The following VAPA variants were observed in gnomAD, a reference collection of about 807,000 sequenced individuals.
VAPA encodes the protein VAMP associated protein A.
Under a neutral mutation model 25.6 loss-of-function variants are expected in VAPA, and 6 were observed. The observed-to-expected ratio is 0.23, with a 90% CI of 0.13 to 0.46. The LOEUF (loss-of-function observed/expected upper bound fraction) is 0.46, where lower values mean the gene tolerates loss of function less well. VAPA is among the 20% of genes least tolerant of loss of function. VAPA has a pLI of 0.99. For synonymous variants in VAPA, 112 were observed against 106.2 expected (o/e 1.05, Z -0.34); for missense variants, 244 against 302.1 (o/e 0.81, Z 1.43).
chr18:9,923,113 A>G (rs1425892937), intron 1 of VAPA, among the ~76,000 whole-genome samples: 4 of 152,212 alleles, frequency 2.6e-5, no homozygotes, highest in Admixed American at 2.0e-4. Flanking sequence ...TGACTTATGC[A>G]TCATTAATAT....
chr18:9,916,733 G>GA (rs1185116731), intron 1 of VAPA, among the ~76,000 whole-genome samples: 1 of 152,098 alleles, frequency 6.6e-6, no homozygotes, highest in Non-Finnish European at 1.5e-5. Flanking sequence ...GTTTATGATA[G>GA]AAAAAAATCA....
chr18:9,953,968 T>C, intron 5 of VAPA, 85 bp from the exon 6 acceptor site: 3 of 1,541,910 alleles, frequency 1.9e-6, no homozygotes, highest in Non-Finnish European at 2.6e-6. Flanking sequence ...CTAATCTACT[T>C]TCCGTCCCTA....
chr18:9,939,817 A>C (rs543846697), intron 4 of VAPA, among the ~76,000 whole-genome samples: 1 of 152,214 alleles, frequency 6.6e-6, no homozygotes, highest in African/African-American at 2.4e-5. Context: ...ATGCCTTTCA[A>C]CTTCCTGTGA....
At chr18:9,940,344 A>G (rs9954768) in intron 4 of VAPA, among the ~76,000 whole-genome samples, 11,603 of 152,090 alleles carry the variant, frequency 0.076, 498 homozygotes, top group African/African-American at 0.1. Context: ...TTCCAGGTCC[A>G]GACCTGGAAA....
chr18:9,922,075 C>T (rs1025410662), intron 1 of VAPA, among the ~76,000 whole-genome samples: 3 of 152,002 alleles, frequency 2.0e-5, no homozygotes, highest in Non-Finnish European at 4.4e-5. Flanking sequence ...ACTCCAGGGC[C>T]CAAGCGATCC....
intron 5 of VAPA, chr18:9,951,296 A>G (rs1454458452): frequency 1.3e-5 from 2 of 152,220 alleles, no homozygotes; most frequent in Admixed American, 1.3e-4. Flanking sequence ...CCGACACAGC[A>G]CATACACACA....
At chr18:9,916,284 G>A (rs889841476) in intron 1 of VAPA, among the ~76,000 whole-genome samples, 1 of 152,116 alleles carries the variant, frequency 6.6e-6, no homozygotes, top group African/African-American at 2.4e-5. Flanking sequence ...TATGATTATA[G>A]AACTCATTGT....
At chr18:9,925,508 GTACAAAAATATTTA>G (rs1052468210) in intron 1 of VAPA, among the ~76,000 whole-genome samples, 1 of 151,746 alleles carries the variant, frequency 6.6e-6, no homozygotes, top group Non-Finnish European at 1.5e-5. Context: ...TACTCTATTT[GTACAAAAATATTTA>G]TACAAAAATA....
At chr18:9,944,859 A>T in intron 4 of VAPA, 3 of 1,561,072 alleles carry the variant, frequency 1.9e-6, no homozygotes, top group Non-Finnish European at 2.6e-6. Flanking sequence ...AGTCATTCCC[A>T]ATATCATGCA....
chr18:9,954,841 G>C lies in VAPA; in HGVS notation c.*630G>C, dbSNP rs1000066664. On this transcript the variant is annotated 3_prime_UTR_variant, in exon 6 of 6. Transcript: ENST00000400000. ...CTTGCTCGATAGCTTGTTTGTGTCT[G>C]TCGTGTTATTAGAGGGAACTCCACT... is the stretch of plus-strand genomic sequence containing the variant. 1 of 152,610 alleles carries C rather than the reference G, an allele frequency of 6.6e-6. No homozygotes were observed. Among genetic ancestry groups the C allele is most frequent in the African/African-American group, 2.4e-5 (1 of 41,440 alleles). 9.5% of individuals were successfully genotyped at this position (152,610 alleles called of 1,614,324 possible).
At chr18:9,937,265 A>G (rs2069321127) in intron 4 of VAPA, among the ~76,000 whole-genome samples, 199 bp downstream of exon 4, 1 of 149,520 alleles carries the variant, frequency 6.7e-6, no homozygotes, top group Non-Finnish European at 1.5e-5. Context: ...TCCAAGAAGA[A>G]AGAAAGACTC....
At chr18:9,926,703 T>C (rs1014535752) in intron 1 of VAPA, among the ~76,000 whole-genome samples, 1 of 152,156 alleles carries the variant, frequency 6.6e-6, no homozygotes, top group Non-Finnish European at 1.5e-5. Flanking sequence ...CATAGTGGGC[T>C]GCACAGAAAC....
intron 1 of VAPA, among the ~76,000 whole-genome samples, chr18:9,926,731 C>A (rs775110078): frequency 6.6e-6 from 1 of 152,120 alleles, no homozygotes; most frequent in African/African-American, 2.4e-5. Flanking sequence ...ACCTTTGTTC[C>A]AGTAGAAGAC....
Position 9,944,849 on chromosome 18 carries a change from A to G in VAPA, c.418-5546A>G. The G allele has an allele frequency of 2.0e-6, 3 of 1,523,086 alleles. 1 individual carries two copies. In the South Asian group the frequency reaches 3.7e-5, roughly 19 times the overall value. The allele number at this position is 1,523,086 out of a possible 1,614,324, so 94.3% of individuals were successfully genotyped here. ...TTTAGAGCCTAATGCTTTCTGTGTC[A>G]GTCATTCCCAATATCATGCAGAAGA... On this transcript the variant is annotated intron_variant, in intron 4 of 5. Transcript: ENST00000400000.
At position 9,955,884 on chromosome 18, in the gene VAPA, CTT is replaced by C. The variant is rs1472779634; in HGVS notation, c.*1675_*1676del. ...CTGCCATTGCTGTATGCTTTACTGT[CTT>C]TGTAAAAATCCCCCTCTCCCCTTTT... On this transcript the variant is annotated 3_prime_UTR_variant, in exon 6 of 6. Coordinates refer to ENST00000400000, the MANE Select transcript of VAPA (RefSeq NM_194434.3). 1.3e-5 allele frequency: 2 copies of C among 151,602 alleles called. No individual in the cohort carries two copies. Among genetic ancestry groups the C allele is most frequent in the Admixed American group, 6.6e-5 (1 of 15,216 alleles). The allele number at this position is 151,602 out of a possible 1,614,324, so 9.4% of individuals were successfully genotyped here. A position where few individuals can be genotyped will look rare whatever the true frequency, so the allele number is the denominator to read the frequency against.
intron 1 of VAPA, among the ~76,000 whole-genome samples, chr18:9,931,393 G>T (rs2069253327): frequency 6.6e-6 from 1 of 152,160 alleles, no homozygotes. Context: ...GATGTCATAG[G>T]GTGTAGGGTC....
Position 9,956,544 on chromosome 18 carries a change from G to A in VAPA, c.*2333G>A, listed in dbSNP as rs2069553147. The A allele has an allele frequency of 6.6e-6, 1 of 152,542 alleles. No homozygotes were observed. The highest frequency in any genetic ancestry group is 6.5e-5 in the Admixed American group (1 of 15,272). The allele number at this position is 152,542 out of a possible 1,614,324, so 9.4% of individuals were successfully genotyped here. A position where few individuals can be genotyped will look rare whatever the true frequency, so the allele number is the denominator to read the frequency against. ...TGGGTAGCATCTTTAAAATGTATGT[G>A]GGCTTAACTGTTGTTCATATCAGGA... On this transcript the variant is annotated 3_prime_UTR_variant, in exon 6 of 6. Coordinates refer to ENST00000400000, the MANE Select transcript of VAPA (RefSeq NM_194434.3).
intron 1 of VAPA, among the ~76,000 whole-genome samples, chr18:9,916,811 A>G (rs116468856): frequency 5.6e-4 from 86 of 152,280 alleles, no homozygotes; most frequent in African/African-American, 2.0e-3. Flanking sequence ...CAGTTTTGCA[A>G]AATTCTTTGT....
chr18:9,937,366 T>G (rs1341883600), intron 4 of VAPA, among the ~76,000 whole-genome samples: 2 of 152,172 alleles, frequency 1.3e-5, no homozygotes, highest in East Asian at 3.8e-4. Flanking sequence ...TTTTTTAGAA[T>G]GAGATGTGTA....
Sources: allele counts gnomAD v4.1 joint callset (sites outside exome capture counted in the v4.1 genomes callset), GRCh38; gene constraint gnomAD v4.1.1; transcripts MANE v1.5; gene names NCBI Gene and HGNC (gene_info 2026-07-23, HGNC 2026-07-21).